Variants in FCRL6 observed in about 807,000 individuals in gnomAD.
FCRL6 encodes the protein Fc receptor-like protein 6.
In FCRL6, 50 loss-of-function variants were observed where a neutral mutation model predicts 49.1. That is an observed-to-expected ratio of 1.02 (90% CI 0.81 to 1.29). The LOEUF (loss-of-function observed/expected upper bound fraction) is 1.29. Ranked by LOEUF, FCRL6 falls within the 50% of genes most tolerant of loss-of-function variation. The pLI is 0.00. For missense variants in FCRL6, 571 were observed against 518.5 expected, an observed-to-expected ratio of 1.10 and a Z score of -0.98; for synonymous variants, 213 against 199.6, an observed-to-expected ratio of 1.07 and a Z score of -0.57.
intron 6 of FCRL6, among the ~76,000 whole-genome samples, chr1:159,812,706 C>T (rs1211797081): frequency 6.6e-6 from 1 of 152,198 alleles, no homozygotes; most frequent in Non-Finnish European, 1.5e-5. Flanking sequence ...CTTGATTTTA[C>T]AGAAGGAGCC....
Position 159,815,861 on chromosome 1 carries a change from G to T in FCRL6, c.*200G>T. ...AGAAGACCAACCAATGGAATGGGAA[G>T]GGAGATGCTCCCACCAACACACACA... is the stretch of plus-strand genomic sequence containing the variant. On this transcript the variant is annotated 3_prime_UTR_variant, in exon 10 of 10. Coordinates refer to ENST00000368106, the MANE Select transcript of FCRL6 (RefSeq NM_001004310.3). The T allele has an allele frequency of 1.7e-6, 1 of 574,880 alleles. No homozygotes were observed. The highest frequency in any genetic ancestry group is 3.1e-6 in the Non-Finnish European group (1 of 325,882). The allele number at this position is 574,880 out of a possible 1,614,324, so 35.6% of individuals were successfully genotyped here.
At position 159,802,360 on chromosome 1, in the gene FCRL6, C is replaced by T; in HGVS notation, c.-65C>T. The T allele has an allele frequency of 6.2e-7, 1 of 1,601,454 alleles. No homozygotes were observed. The highest frequency in any genetic ancestry group is 8.5e-7 in the Non-Finnish European group (1 of 1,172,286). On this transcript the variant is annotated 5_prime_UTR_variant, in exon 1 of 10. Transcript: ENST00000368106. ...CCTTCGGTCCTGAGGCCTGGTTGCT[C>T]TCTGCCGGCTTCGCCCTGACCTGTT...
At chr1:159,809,829 A>G in intron 5 of FCRL6, 146 bp downstream of exon 5, 2 of 794,130 alleles carry the variant, frequency 2.5e-6, no homozygotes, top group Non-Finnish European at 4.0e-6. Flanking sequence ...TAATTAGTCC[A>G]TCTGTCCACT....
chr1:159,808,935 T>C, intron 3 of FCRL6, 26 bp from the exon 4 acceptor site: 1 of 1,556,188 alleles, frequency 6.4e-7, no homozygotes, highest in Middle Eastern at 1.7e-4. Context: ...ACTCCCCTCC[T>C]GAGTCCTGGG....
At position 159,809,167 on chromosome 1, in the gene FCRL6, G is replaced by A; in HGVS notation, c.526G>A (p.Gly176Arg). 6.2e-7 allele frequency: 1 copy of A among 1,613,164 alleles called. No individual in the cohort carries two copies. Among genetic ancestry groups the A allele is most frequent in the Non-Finnish European group, 8.5e-7 (1 of 1,179,538 alleles). ...CIPGAKEGDS[G>R]LYWCEVAPEG... Reference sequence around the variant, plus strand: ...CCCGGGAGCCAAGGAGGGAGACTCTGGGCTTTACTGGTGTGAGGTGGCCCC... The same window carrying A: ...CCCGGGAGCCAAGGAGGGAGACTCTAGGCTTTACTGGTGTGAGGTGGCCCC... Residue 176 changes from glycine (G) to arginine (R), a missense_variant, in exon 4 of 10, where the codon GGG becomes AGG. By Grantham distance (125) the Gly-to-Arg change is moderately radical (BLOSUM62 -2). Coordinates refer to ENST00000368106, the MANE Select transcript of FCRL6 (RefSeq NM_001004310.3).
In FCRL6 at chr1:159,815,997, A is replaced by G; in HGVS notation, c.*336A>G. The G allele has an allele frequency of 3.7e-6, 1 of 270,304 alleles. No individual in the cohort carries two copies. Among genetic ancestry groups the G allele is most frequent in the Admixed American group, 4.4e-5 (1 of 22,902 alleles). 16.7% of individuals were successfully genotyped at this position (270,304 alleles called of 1,614,324 possible). A position where few individuals can be genotyped will look rare whatever the true frequency, so the allele number is the denominator to read the frequency against. ...TATATATGAAATAGTCATGTGCCGC[A>G]TAACAACATTTCAGTCAGTGATAGA... On this transcript the variant is annotated 3_prime_UTR_variant, in exon 10 of 10. Transcript: ENST00000368106.
chr1:159,809,381 C>T (rs759705345), intron 4 of FCRL6, 21 bp from the exon 5 acceptor site: 19 of 1,569,148 alleles, frequency 1.2e-5, no homozygotes, highest in Non-Finnish European at 1.6e-5. Context: ...GGCTGAGCCT[C>T]CCACCCCATG....
rs141393415 is a variant in FCRL6, at chr1:159,810,149, G to C, written c.942G>C (p.Ala314=). ...ACTGGCTGGTTCCTTGGCTTCCTGC[G>C]AGCCTGCTTGGCCTGATGGTTATTG... is the stretch of plus-strand genomic sequence containing the variant. ...ASNWLVPWLP[A]SLLGLMVIAA... Residue 314 remains alanine, a synonymous_variant, in exon 6 of 10, where the codon GCG becomes GCC. Coordinates refer to ENST00000368106, the MANE Select transcript of FCRL6 (RefSeq NM_001004310.3). 6.2e-7 allele frequency: 1 copy of C among 1,613,940 alleles called. No homozygotes were observed. The highest frequency in any genetic ancestry group is 8.5e-7 in the Non-Finnish European group (1 of 1,179,966).
chr1:159,800,768 TTC>T (rs763190408), upstream of FCRL6, among the ~76,000 whole-genome samples: 4 of 152,156 alleles, frequency 2.6e-5, no homozygotes, highest in Non-Finnish European at 5.9e-5. Context: ...ACTTAGAAAA[TTC>T]TCTCTGTCCA....
chr1:159,801,531 G>A (rs1336765180), upstream of FCRL6, among the ~76,000 whole-genome samples: 3 of 152,144 alleles, frequency 2.0e-5, no homozygotes, highest in African/African-American at 7.2e-5. Flanking sequence ...GTTTAAATTT[G>A]CATTTCCACG....
chr1:159,815,090 C>T (rs1212309441), intron 8 of FCRL6, among the ~76,000 whole-genome samples: 1 of 152,052 alleles, frequency 6.6e-6, no homozygotes, highest in Non-Finnish European at 1.5e-5. Flanking sequence ...AATGTCTTAT[C>T]TGCCCTGCTA....
chr1:159,804,848 A>G (rs952045470), intron 1 of FCRL6, among the ~76,000 whole-genome samples: 1 of 152,248 alleles, frequency 6.6e-6, no homozygotes, highest in African/African-American at 2.4e-5. Context: ...GAAGGAAGAC[A>G]TAACTACAGA....
rs1420717867 is a variant in FCRL6 at position 159,808,942 on chromosome 1, T to C, written c.320-19T>C. 3.8e-6 allele frequency: 6 copies of C among 1,573,816 alleles called. No individual in the cohort carries two copies. The Middle Eastern group carries it at 5.1e-4, about 134-fold the overall frequency. On this transcript the variant is annotated intron_variant, in intron 3 of 9. Transcript: ENST00000368106. The stretch of plus-strand genomic sequence containing the variant: ...CATCCAGGACTCCCCTCCTGAGTCC[T>C]GGGCCTGCATCTCCCCAGAGCTGTT...
chr1:159,810,357 T>C, intron 6 of FCRL6, 141 bp downstream of exon 6: 1 of 1,011,686 alleles, frequency 9.9e-7, no homozygotes, highest in Non-Finnish European at 1.4e-6. Context: ...TCTTCCTGTG[T>C]CACACAAAGG....
At position 159,808,330 on chromosome 1, in the gene FCRL6, T is replaced by C. The variant is rs552904423; in HGVS notation, c.205T>C (p.Ser69Pro). 88 of 1,614,208 alleles carry C rather than the reference T, an allele frequency of 5.5e-5. No individual in the cohort carries two copies. Among genetic ancestry groups the C allele is most frequent in the South Asian group, 2.9e-4 (26 of 91,084 alleles). The change falls in exon 3 of 10, where the codon TCC becomes CCC. Residue 69 changes from serine to proline, a missense_variant. Physicochemically the swap from Ser to Pro is moderately conservative, Grantham distance 74. Transcript: ENST00000368106. Reference sequence around the variant, plus strand: ...TTTCTCTAAGGAAAACCAGACTCTGTCCATGGGAGCAGCAACAGTGCAGAG... The same window carrying C: ...TTTCTCTAAGGAAAACCAGACTCTGCCCATGGGAGCAGCAACAGTGCAGAG... ...LHFSKENQTL[S>P]MGAATVQSRG...
At chr1:159,811,409 A>G (rs1663081715) in intron 6 of FCRL6, among the ~76,000 whole-genome samples, 1 of 152,214 alleles carries the variant, frequency 6.6e-6, no homozygotes. Flanking sequence ...AGCTAGATGT[A>G]CTTATTTAAG....
Position 159,810,225 on chromosome 1 carries a change from C to A in FCRL6, c.1009+9C>A. The A allele has an allele frequency of 6.2e-7, 1 of 1,608,734 alleles. No homozygotes were observed. Among genetic ancestry groups the A allele is most frequent in the Non-Finnish European group, 8.5e-7 (1 of 1,177,486 alleles). The stretch of plus-strand genomic sequence containing the variant: ...ATCCTGGAGAAAAGCTGGTCAGTAA[C>A]TCCTCTTGGCTTTCTTAGCTGCTGA... On this transcript the variant is annotated intron_variant, in intron 6 of 9. Transcript: ENST00000368106.
chr1:159,809,142 C>T lies in FCRL6; in HGVS notation c.501C>T (p.Ile167=). 2 of 1,614,008 alleles carry T rather than the reference C, an allele frequency of 1.2e-6. No homozygotes were observed. Among genetic ancestry groups the T allele is most frequent in the Non-Finnish European group, 1.7e-6 (2 of 1,179,930 alleles). ...GGGGCCCTCACCCAGAACTCTGCAT[C>T]CCGGGAGCCAAGGAGGGAGACTCTG... The part of the protein sequence containing the change: ...QDRGPHPELC[I]PGAKEGDSGL... The change falls in exon 4 of 10, where the codon ATC becomes ATT. Residue 167 remains isoleucine (I), a synonymous_variant. Coordinates refer to ENST00000368106, the MANE Select transcript of FCRL6 (RefSeq NM_001004310.3).
Position 159,806,627 on chromosome 1 carries a change from T to C in FCRL6, c.52+11T>C, listed in dbSNP as rs1432586544. ...GTGTTGGGAAAACTGGTAAGTTGTG[T>C]CCATGTCTCTTCTAATTCAAAGTAT... On this transcript the variant is annotated intron_variant, in intron 2 of 9. Transcript: ENST00000368106. 6.2e-7 allele frequency: 1 copy of C among 1,613,524 alleles called. No homozygotes were observed. Among genetic ancestry groups the C allele is most frequent in the South Asian group, 1.1e-5 (1 of 91,072 alleles).
Sources: gnomAD v4.1 joint callset for allele counts (sites outside exome capture counted in the v4.1 genomes callset) on GRCh38, gnomAD v4.1.1 for gene constraint, MANE v1.5 for transcripts, NCBI Gene and HGNC (gene_info 2026-07-23, HGNC 2026-07-21) for gene names.